Variants in COL6A1 observed in about 807,000 individuals in gnomAD.
The protein encoded by COL6A1 is collagen alpha-1(VI) chain.
In COL6A1, 80 loss-of-function variants were observed where a neutral mutation model predicts 145.6. The observed-to-expected ratio is 0.55, with a 90% CI of 0.46 to 0.66. COL6A1 has a LOEUF of 0.66. COL6A1 is among the 30% of genes least tolerant of loss of function. COL6A1 has a pLI of 0.00. For synonymous variants in COL6A1, 638 were observed against 622.8 expected, an observed-to-expected ratio of 1.02 and a Z score of -0.36; for missense variants, 1,364 against 1,473.8, an observed-to-expected ratio of 0.93 and a Z score of 1.22.
chr21:45,987,645 C>T lies in COL6A1; in HGVS notation c.795C>T (p.Pro265=), dbSNP rs370641081. Residue 265 remains proline (P), a synonymous_variant, in exon 8 of 35, where the codon CCC becomes CCT. Transcript: ENST00000361866. The part of the protein sequence containing the change: ...ARGPPGLRGD[P]GFEGERGKPG... ...GACCTCCGGGGCTCCGGGGCGACCC[C>T]GGCTTTGAGGTGAGTGGTGACTCCT... The T allele has an allele frequency of 1.2e-5, 19 of 1,609,890 alleles. No individual in the cohort carries two copies. Among genetic ancestry groups the T allele is most frequent in the African/African-American group, 9.3e-5 (7 of 74,908 alleles).
intron 29 of COL6A1, 94 bp downstream of exon 29, chr21:46,000,861 C>A: frequency 6.9e-7 from 1 of 1,458,972 alleles, no homozygotes; most frequent in Non-Finnish European, 9.6e-7. Flanking sequence ...GCACATGGCA[C>A]TCTGGTCCCC....
At position 45,998,890 on chromosome 21, in the gene COL6A1, A is replaced by G. The variant is rs1377306231; in HGVS notation, c.1612-7A>G. 1.9e-6 allele frequency: 3 copies of G among 1,553,884 alleles called. No individual in the cohort carries two copies. The highest frequency in any genetic ancestry group is 3.9e-5 in the Admixed American group (2 of 51,190). ...CTTGTTAACCAAGTGCTCTCCCGTC[A>G]CTGCAGGGCACGAAGGGCTACCCCG... On this transcript the variant is annotated splice_region_variant and splice_polypyrimidine_tract_variant and intron_variant, in intron 24 of 34. Transcript: ENST00000361866.
intron 23 of COL6A1, 54 bp from the exon 24 acceptor site, chr21:45,998,344 A>T: frequency 6.2e-7 from 1 of 1,611,100 alleles, no homozygotes; most frequent in Non-Finnish European, 8.5e-7. Context: ...CGCCCCTCAC[A>T]GCCTCCCCTC....
Position 45,990,372 on chromosome 21 carries a change from T to C in COL6A1, c.958-6T>C, listed in dbSNP as rs1161578396. ...TGACTCCTGCCTTCGTTTTCCCGCC[T>C]CACAGGGAGAGAAGGGCAAGCGTGG... is the stretch of plus-strand genomic sequence containing the variant. On this transcript the variant is annotated splice_region_variant and splice_polypyrimidine_tract_variant and intron_variant, in intron 12 of 34. Transcript: ENST00000361866. 3.3e-6 allele frequency: 5 copies of C among 1,528,988 alleles called. No individual in the cohort carries two copies. The highest frequency in any genetic ancestry group is 4.4e-6 in the Non-Finnish European group (5 of 1,136,068). 94.7% of individuals were successfully genotyped at this position (1,528,988 alleles called of 1,614,324 possible).
rs1284325199 is a variant in COL6A1 at position 46,000,433 on chromosome 21, C to G, written c.1813+66C>G. ...GGCCGCCAGCCTGGCCTGTTCCACT[C>G]CTAGAAGGGTGTCTCCACTGTTGGG... On this transcript the variant is annotated intron_variant, in intron 28 of 34. Transcript: ENST00000361866. 4.1e-5 allele frequency: 64 copies of G among 1,562,386 alleles called. No homozygotes were observed. In the Admixed American group the frequency reaches 1.1e-3, roughly 26 times the overall value.
chr21:45,999,059 A>G, intron 25 of COL6A1, 94 bp from the exon 26 acceptor site: 1 of 1,542,684 alleles, frequency 6.5e-7, no homozygotes, highest in South Asian at 1.2e-5. Context: ...GGGAGGCCTC[A>G]TGGGCCCCGG....
Position 45,981,918 on chromosome 21 carries a change from C to T in COL6A1, c.68C>T (p.Pro23Leu), listed in dbSNP as rs775946362. The T allele has an allele frequency of 3.7e-6, 6 of 1,607,440 alleles. No homozygotes were observed. In the African/African-American group the frequency reaches 8.0e-5, roughly 22 times the overall value. Reference protein sequence around the residue: ...QACWTAAQDEPETPRAVAFQD... With the variant: ...QACWTAAQDELETPRAVAFQD... Reference sequence around the variant, plus strand: ...TGCTGGACAGCCGCGCAGGATGAGCCGGAGACCCCGAGGGCCGTGGCCTTC... The same window carrying T: ...TGCTGGACAGCCGCGCAGGATGAGCTGGAGACCCCGAGGGCCGTGGCCTTC... The change falls in exon 1 of 35, where the codon CCG (proline) becomes CTG (leucine). Residue 23 changes from proline (P) to leucine (L), a missense_variant. Physicochemically the swap from Pro to Leu is moderately conservative, Grantham distance 98 (BLOSUM62 -3). Coordinates refer to ENST00000361866, the MANE Select transcript of COL6A1 (RefSeq NM_001848.3).
intron 1 of COL6A1, 83 bp downstream of exon 1, chr21:45,982,030 C>T (rs2077710096): frequency 3.5e-6 from 4 of 1,129,866 alleles, no homozygotes; most frequent in South Asian, 1.3e-5. Flanking sequence ...TCCCCTCCCA[C>T]GCGTGGAACT....
rs779532805 is a variant in COL6A1, at chr21:46,001,405, C to T, written c.1956+19C>T. ...GGTCAAGGTGAGGCCTCGCCCCGCC[C>T]GGCTTTCTCAAGCCCAGGTGCACCC... On this transcript the variant is annotated intron_variant, in intron 30 of 34. Transcript: ENST00000361866. 42 of 1,606,780 alleles carry T rather than the reference C, an allele frequency of 2.6e-5. No homozygotes were observed. The Admixed American group carries it at 5.3e-4, about 20-fold the overall frequency.
chr21:45,985,039 C>T (rs1569517768), intron 3 of COL6A1, among the ~76,000 whole-genome samples: 1 of 146,564 alleles, frequency 6.8e-6, no homozygotes, highest in African/African-American at 2.6e-5. Context: ...GAAGCAGAGA[C>T]AGAGAAACAA....
chr21:45,991,965 G>A, intron 15 of COL6A1, 45 bp from the exon 16 acceptor site: 2 of 1,545,548 alleles, frequency 1.3e-6, no homozygotes, highest in African/African-American at 1.4e-5. Flanking sequence ...TGCACCCCTG[G>A]TGCACACCCC....
At chr21:45,986,822 C>T (rs2077741945) in intron 4 of COL6A1, 122 bp from the exon 5 acceptor site, 2 of 1,518,256 alleles carry the variant, frequency 1.3e-6, no homozygotes, top group South Asian at 2.4e-5. Context: ...CCTGAGAGGC[C>T]AGCCCCTCCT....
Position 45,997,502 on chromosome 21 carries a change from C to G in COL6A1, c.1461+19C>G, listed in dbSNP as rs1267130831. 1 of 1,552,638 alleles carries G rather than the reference C, an allele frequency of 6.4e-7. No individual in the cohort carries two copies. The highest frequency in any genetic ancestry group is 8.7e-7 in the Non-Finnish European group (1 of 1,153,848). On this transcript the variant is annotated intron_variant, in intron 21 of 34. Transcript: ENST00000361866. ...GTCCGAGGTGAGTCCCACTCCCCAC[C>G]CACACCCGCCCACCCAGGGGGGCCT...
intron 9 of COL6A1, 83 bp downstream of exon 9, chr21:45,989,220 C>A: frequency 6.9e-7 from 1 of 1,449,292 alleles, no homozygotes. Context: ...GGAAGAGTGG[C>A]TGGGTTCTGA....
chr21:45,982,463 C>A (rs1246850107), intron 1 of COL6A1, among the ~76,000 whole-genome samples, 171 bp from the exon 2 acceptor site: 1 of 152,152 alleles, frequency 6.6e-6, no homozygotes, highest in African/African-American at 2.4e-5. Flanking sequence ...CTCACTCCAC[C>A]CCCTCCCCAC....
rs1409263435 is a variant in COL6A1, at chr21:46,003,606, C to T, written c.2680C>T (p.Leu894=). Residue 894 remains leucine, a synonymous_variant, in exon 35 of 35, where the codon CTG becomes TTG. Coordinates refer to ENST00000361866, the MANE Select transcript of COL6A1 (RefSeq NM_001848.3). ...CCCAGAGCGGGCGTCGCTGCAGTTCCTGCAGAACTACACGGCCCTGGCCAG... is the reference window on the plus strand; with the variant it reads ...CCCAGAGCGGGCGTCGCTGCAGTTCTTGCAGAACTACACGGCCCTGGCCAG... ...QRPERASLQF[L]QNYTALASAV... is the part of the protein sequence containing the mutation. The T allele has an allele frequency of 1.2e-6, 2 of 1,612,912 alleles. No individual in the cohort carries two copies. The highest frequency in any genetic ancestry group is 2.2e-5 in the East Asian group (1 of 44,868).
Position 46,000,385 on chromosome 21 carries a change from G to T in COL6A1, c.1813+18G>T. On this transcript the variant is annotated intron_variant, in intron 28 of 34. Transcript: ENST00000361866. ...AATGTGCTGTGAGTATCTCTGAGAA[G>T]CCGTCCTCGTTAGGGAGAGCAGGGC... is the stretch of plus-strand genomic sequence containing the variant. 6.2e-7 allele frequency: 1 copy of T among 1,613,836 alleles called. No individual in the cohort carries two copies. The highest frequency in any genetic ancestry group is 1.1e-5 in the South Asian group (1 of 91,082).
intron 27 of COL6A1, among the ~76,000 whole-genome samples, chr21:45,999,915 T>TGGGAAGACGTGAGGATCATGG (rs1556430301): frequency 1.2e-4 from 2 of 16,028 alleles, no homozygotes; most frequent in Non-Finnish European, 2.8e-4. Flanking sequence ...GTGAGGATCA[T>TGGGAAGACGTGAGGATCATGG]GGGGGACATG....
chr21:45,993,597 G>A (rs975155987), intron 19 of COL6A1, among the ~76,000 whole-genome samples: 10 of 152,156 alleles, frequency 6.6e-5, no homozygotes, highest in East Asian at 3.9e-4. Flanking sequence ...GAGCTGAGCC[G>A]GGGCCAGAGT....
Sources: gnomAD v4.1 joint callset for allele counts (sites outside exome capture counted in the v4.1 genomes callset) on GRCh38, gnomAD v4.1.1 for gene constraint, MANE v1.5 for transcripts, NCBI Gene and HGNC (gene_info 2026-07-23, HGNC 2026-07-21) for gene names.